The following CNKSR2 variants were observed in gnomAD, a reference collection of about 807,000 sequenced individuals.
The protein encoded by CNKSR2 is CNK homolog protein 2.
Under a neutral mutation model 84.4 loss-of-function variants are expected in CNKSR2, and 14 were observed. The ratio of observed to expected loss-of-function variants is 0.17; its 90% confidence interval spans 0.11 to 0.26. The LOEUF (loss-of-function observed/expected upper bound fraction) is 0.26. CNKSR2 is among the 10% of genes least tolerant of loss of function. The probability of loss-of-function intolerance (pLI) is 1.00; values close to 1 mark genes in which losing one functional copy is unlikely to be tolerated. For missense variants in CNKSR2, 485 were observed against 771.2 expected, an observed-to-expected ratio of 0.63 and a Z score of 4.40; for synonymous variants, 275 against 277.9, an observed-to-expected ratio of 0.99 and a Z score of 0.10.
intron 1 of CNKSR2, among the ~76,000 whole-genome samples, chrX:21,412,912 A>G (rs977816119): frequency 8.9e-6 from 1 of 112,024 alleles, no homozygotes; most frequent in Non-Finnish European, 1.9e-5. Context: ...TGCACATATC[A>G]TCAAACGTAC....
intron 13 of CNKSR2, among the ~76,000 whole-genome samples, chrX:21,583,429 A>G (rs913143793): frequency 5.4e-5 from 6 of 112,010 alleles, no homozygotes; most frequent in African/African-American, 1.9e-4. Context: ...AAGAGAAAAC[A>G]TTTTTTGTAA....
At chrX:21,458,455 C>A (rs2091020527) in intron 4 of CNKSR2, among the ~76,000 whole-genome samples, 1 of 112,095 alleles carries the variant, frequency 8.9e-6, no homozygotes, top group Non-Finnish European at 1.9e-5. Context: ...TAAAAGTAAT[C>A]AGACTGACAA....
intron 20 of CNKSR2, among the ~76,000 whole-genome samples, chrX:21,622,607 A>C (rs2147305171): frequency 8.9e-6 from 1 of 112,035 alleles, no homozygotes; most frequent in African/African-American, 3.2e-5. Flanking sequence ...AAACAAAAGC[A>C]AAATTACATA....
At chrX:21,386,671 A>C (rs903107304) in intron 1 of CNKSR2, among the ~76,000 whole-genome samples, 1 of 112,432 alleles carries the variant, frequency 8.9e-6, no homozygotes, top group African/African-American at 3.2e-5. Flanking sequence ...TTTTAATAGA[A>C]AGAGTTAAGG....
At chrX:21,415,831 TATACACACAC>T (rs1258081543) in intron 1 of CNKSR2, among the ~76,000 whole-genome samples, 5 of 52,389 alleles carry the variant, frequency 9.5e-5, no homozygotes, top group African/African-American at 2.5e-4. Context: ...TATATACATA[TATACACACAC>T]ACACACACAC....
At chrX:21,572,906 T>G (rs1569249948) in intron 13 of CNKSR2, among the ~76,000 whole-genome samples, 1 of 111,508 alleles carries the variant, frequency 9.0e-6, no homozygotes, top group Non-Finnish European at 1.9e-5. Flanking sequence ...CTTAACTCAT[T>G]CCAGCATTAA....
chrX:21,631,767 T>C (rs2092648959), intron 20 of CNKSR2, among the ~76,000 whole-genome samples: 1 of 112,289 alleles, frequency 8.9e-6, no homozygotes, highest in Non-Finnish European at 1.9e-5. Flanking sequence ...AACTCATAAT[T>C]CTCACATTTC....
chrX:21,386,895 T>C (rs1287596132), intron 1 of CNKSR2, among the ~76,000 whole-genome samples: 1 of 112,064 alleles, frequency 8.9e-6, no homozygotes, highest in Non-Finnish European at 1.9e-5. Context: ...TAAAGCACCT[T>C]TTTCTCCTAA....
intron 5 of CNKSR2, among the ~76,000 whole-genome samples, chrX:21,477,651 A>G (rs1440054177): frequency 9.0e-6 from 1 of 111,597 alleles, no homozygotes; most frequent in African/African-American, 3.3e-5. Context: ...GTAAGAGAGG[A>G]TCCTGGAGGA....
At chrX:21,576,492 G>A (rs908231031) in intron 13 of CNKSR2, among the ~76,000 whole-genome samples, 18 of 110,694 alleles carry the variant, frequency 1.6e-4, no homozygotes, top group African/African-American at 4.9e-4. Context: ...AAAAGCAGAA[G>A]GAAGATTTAA....
At chrX:21,574,863 T>C (rs942813924) in intron 13 of CNKSR2, among the ~76,000 whole-genome samples, 1 of 112,163 alleles carries the variant, frequency 8.9e-6, no homozygotes, top group Non-Finnish European at 1.9e-5. Flanking sequence ...CCTATAGTTT[T>C]CAGTGGCTGT....
intron 3 of CNKSR2, among the ~76,000 whole-genome samples, chrX:21,438,274 G>A (rs1014728808): frequency 2.7e-5 from 3 of 112,020 alleles, no homozygotes; most frequent in African/African-American, 9.7e-5. Flanking sequence ...AGAATGGTAA[G>A]TATTTGTTCC....
chrX:21,433,567 CTT>C (rs886794606), intron 3 of CNKSR2, among the ~76,000 whole-genome samples: 1 of 108,834 alleles, frequency 9.2e-6, no homozygotes, highest in Non-Finnish European at 1.9e-5. Flanking sequence ...TAAAAATGCT[CTT>C]TGTCTTTCAT....
chrX:21,539,899 T>C (rs913176767), intron 11 of CNKSR2, among the ~76,000 whole-genome samples: 2 of 112,174 alleles, frequency 1.8e-5, no homozygotes, highest in Non-Finnish European at 3.8e-5. Context: ...TTCAAGTAAA[T>C]AACAGTTTAA....
At chrX:21,631,973 A>G (rs946016010) in intron 20 of CNKSR2, among the ~76,000 whole-genome samples, 7 of 112,295 alleles carry the variant, frequency 6.2e-5, no homozygotes, top group Non-Finnish European at 1.3e-4. Flanking sequence ...AATACTAATT[A>G]GAATATATGA....
chrX:21,590,595 G>A lies in CNKSR2; in HGVS notation c.1632G>A (p.Gln544=), dbSNP rs1444372900. ...LYHTFQQSSL[Q]HKSKKKNKGP... is the part of the protein sequence containing the mutation. ...AGACATTTCAGCAGTCCTCACTGCA[G>A]CACAAATCAAAGAAGAAAAACAAAG... Residue 544 remains glutamine (Q), a synonymous_variant, in exon 14 of 22, where the codon CAG becomes CAA. Coordinates refer to ENST00000379510, the MANE Select transcript of CNKSR2 (RefSeq NM_014927.5). The A allele has an allele frequency of 1.2e-5, 14 of 1,209,002 alleles. No individual in the cohort carries two copies. The South Asian group carries it at 2.1e-4, about 18-fold the overall frequency.
At position 21,652,505 on chromosome X, in the gene CNKSR2, T is replaced by C; in HGVS notation, c.3089T>C (p.Ile1030Thr). The C allele has an allele frequency of 4.2e-6, 5 of 1,201,725 alleles. No individual in the cohort carries two copies. Among genetic ancestry groups the C allele is most frequent in the African/African-American group, 1.7e-5 (1 of 57,679 alleles). Residue 1030 changes from isoleucine (I) to threonine (T), a missense_variant, in exon 22 of 22, where the codon ATT becomes ACT. Ile to Thr is a moderately conservative substitution (Grantham distance 89). Transcript: ENST00000379510. Reference protein sequence around the residue: ...TSSLAHTHSYIETHV With the variant: ...TSSLAHTHSYTETHV ...TCTCTAGCACACACTCATTCATACA[T>C]TGAAACGCATGTCTAAATGTATTCT... is the stretch of plus-strand genomic sequence containing the variant.
chrX:21,384,876 T>A (rs766658526), intron 1 of CNKSR2, among the ~76,000 whole-genome samples: 30 of 111,973 alleles, frequency 2.7e-4, no homozygotes, highest in Non-Finnish European at 5.3e-4. Context: ...CACATTATAT[T>A]ATTGCTAGTA....
At chrX:21,537,906 A>C (rs1243122094) in intron 11 of CNKSR2, 2 of 109,285 alleles carry the variant, frequency 1.8e-5, no homozygotes, top group Non-Finnish European at 3.8e-5. Context: ...CATTTAGGCA[A>C]TTGTTTTGCT....
Sources: gnomAD v4.1 joint callset for allele counts (sites outside exome capture counted in the v4.1 genomes callset) on GRCh38, gnomAD v4.1.1 for gene constraint, MANE v1.5 for transcripts, NCBI Gene and HGNC (gene_info 2026-07-23, HGNC 2026-07-21) for gene names.